The following PARD6G variants were observed in gnomAD, a reference collection of about 807,000 sequenced individuals.
PARD6G encodes the protein partitioning defective 6 homolog gamma.
PARD6G carries 7 observed loss-of-function variants against 10.7 expected under a neutral mutation model. That is an observed-to-expected ratio of 0.66 (90% CI 0.37 to 1.23). The LOEUF is 1.23. PARD6G is among the 50% of genes most tolerant of loss of function. The pLI, the probability that PARD6G is intolerant of heterozygous loss-of-function variation, is 0.02. For synonymous variants in PARD6G, 287 were observed against 269.4 expected (o/e 1.07, Z -0.64); for missense variants, 548 against 571.8 (o/e 0.96, Z 0.42).
rs914982998 is a variant in PARD6G at position 80,183,106 on chromosome 18, G to T, written c.295+19604C>A. ...CAGAGAAGTCCCCCTTTCAAACCAA[G>T]ATTTGAGCTGAAGAGTCAGGTTCCT... is the stretch of plus-strand genomic sequence containing the variant. On this transcript the variant is annotated intron_variant, in intron 2 of 2. Coordinates refer to ENST00000353265, the MANE Select transcript of PARD6G (RefSeq NM_032510.4). The surrounding 1 kb of genome is among the most constrained non-coding windows in gnomAD (Gnocchi z 4.5). 5.7e-6 allele frequency: 4 copies of T among 702,800 alleles called. No individual in the cohort carries two copies. Among genetic ancestry groups the T allele is most frequent in the African/African-American group, 1.7e-5 (1 of 57,238 alleles). The allele number at this position is 702,800 out of a possible 1,614,324, so 43.5% of individuals were successfully genotyped here. A position where few individuals can be genotyped will look rare whatever the true frequency, so the allele number is the denominator to read the frequency against.
intron 2 of PARD6G, among the ~76,000 whole-genome samples, chr18:80,176,971 ACAC>A (rs953849217): frequency 3.3e-5 from 5 of 150,530 alleles, no homozygotes; most frequent in Non-Finnish European, 7.4e-5. Flanking sequence ...AGGCATGTGC[ACAC>A]ACACACAGGA....
At chr18:80,163,447 A>G (rs1022041474) in intron 2 of PARD6G, among the ~76,000 whole-genome samples, 6 of 119,822 alleles carry the variant, frequency 5.0e-5, no homozygotes, top group Non-Finnish European at 8.6e-5. Context: ...CCACTGACTC[A>G]CAGAGTTTGA....
chr18:80,198,063 GAAGA>G (rs1280763309), intron 2 of PARD6G, among the ~76,000 whole-genome samples: 1 of 152,184 alleles, frequency 6.6e-6, no homozygotes, highest in Non-Finnish European at 1.5e-5. Flanking sequence ...AGCAAATAAA[GAAGA>G]AAGGCAGTGA....
intron 2 of PARD6G, among the ~76,000 whole-genome samples, chr18:80,174,761 T>C (rs376218935): frequency 8.5e-5 from 13 of 152,230 alleles, no homozygotes; most frequent in African/African-American, 3.1e-4. Context: ...GAGACCATCC[T>C]GGCTAACACG....
chr18:80,210,030 G>A (rs889821240), intron 1 of PARD6G, among the ~76,000 whole-genome samples: 2 of 152,098 alleles, frequency 1.3e-5, no homozygotes, highest in African/African-American at 4.8e-5. Context: ...AAGGGATAGA[G>A]CTCGAGAAGT....
At chr18:80,202,962 GGGCATT>G in intron 1 of PARD6G, 30 bp from the exon 2 acceptor site, 1 of 240,512 alleles carries the variant, frequency 4.2e-6, no homozygotes, top group Non-Finnish European at 8.2e-6. Context: ...GTGGGGGGAG[GGGCATT>G]AATAAATACC....
In PARD6G at chr18:80,246,889, C is replaced by G. The variant is rs1967557459; in HGVS notation, c.72+388G>C. ...CCACGGCCCGGGCCCCCAGAGCCCC[C>G]CCACGGCCCCGAATCCGAGCAGCCC... On this transcript the variant is annotated intron_variant, in intron 1 of 2. Transcript: ENST00000353265. This position sits in a 1 kb window ranked among gnomAD's most constrained non-coding sequence, Gnocchi z 6.7. Among the ~76,000 whole-genome samples, 1 of 152,032 alleles carries G rather than the reference C, an allele frequency of 6.6e-6. No individual in the cohort carries two copies. Among genetic ancestry groups the G allele is most frequent in the African/African-American group, 2.4e-5 (1 of 41,402 alleles).
chr18:80,239,973 C>T (rs1389521065), intron 1 of PARD6G, among the ~76,000 whole-genome samples: 1 of 152,030 alleles, frequency 6.6e-6, no homozygotes, highest in Non-Finnish European at 1.5e-5. Flanking sequence ...GGAAGGAGAG[C>T]CGGCATGTGC....
Position 80,160,080 on chromosome 18 carries a change from C to T in PARD6G, c.822G>A (p.Ala274=), listed in dbSNP as rs2052686931. The change falls in exon 3 of 3, where the codon GCG becomes GCA. Residue 274 remains alanine (A), a synonymous_variant. Transcript: ENST00000353265. ...GCGGGGCGGGGGGACCCACGAAGCCCGCGGTGCCGTCCGAGGGCGGTCCCG... is the reference window on the plus strand; with the variant it reads ...GCGGGGCGGGGGGACCCACGAAGCCTGCGGTGCCGTCCGAGGGCGGTCCCG... ...GSSGPPSDGT[A]GFVGPPAPRV... The T allele has an allele frequency of 1.9e-6, 3 of 1,585,970 alleles. No individual in the cohort carries two copies. The African/African-American group carries it at 4.0e-5, about 21-fold the overall frequency.
intron 1 of PARD6G, among the ~76,000 whole-genome samples, chr18:80,239,440 G>A (rs890669971): frequency 6.6e-6 from 1 of 151,948 alleles, no homozygotes; most frequent in African/African-American, 2.4e-5. Context: ...GACAGCTGAT[G>A]AGCTAAAAAA....
intron 2 of PARD6G, among the ~76,000 whole-genome samples, chr18:80,165,093 C>T (rs1254738811): frequency 5.3e-5 from 8 of 152,130 alleles, no homozygotes; most frequent in Non-Finnish European, 8.8e-5. Context: ...AGCAGAGAAC[C>T]GGTCTGACCA....
chr18:80,235,403 G>T (rs1568444284), intron 1 of PARD6G, among the ~76,000 whole-genome samples: 1 of 152,128 alleles, frequency 6.6e-6, no homozygotes, highest in African/African-American at 2.4e-5. Flanking sequence ...ACAGGAGAAA[G>T]CAGGAAAGAT....
At chr18:80,199,326 A>T (rs1966987268) in intron 2 of PARD6G, among the ~76,000 whole-genome samples, 1 of 152,210 alleles carries the variant, frequency 6.6e-6, no homozygotes, top group Non-Finnish European at 1.5e-5. Flanking sequence ...TCTGAGGTTC[A>T]TCCATCTGTA....
chr18:80,174,363 C>T (rs933622932), intron 2 of PARD6G, among the ~76,000 whole-genome samples: 3 of 152,130 alleles, frequency 2.0e-5, no homozygotes, highest in Admixed American at 1.3e-4. Context: ...GGCTGGAGGC[C>T]GCTAGGTGAC....
rs1438066085 is a variant in PARD6G, at chr18:80,192,248, G to A, written c.295+10462C>T. Among the ~76,000 whole-genome samples the A allele has an allele frequency of 6.6e-6, 1 of 152,240 alleles. No individual in the cohort carries two copies. The highest frequency in any genetic ancestry group is 6.5e-5 in the Admixed American group (1 of 15,290). On this transcript the variant is annotated intron_variant, in intron 2 of 2. Transcript: ENST00000353265. This position sits in a 1 kb window ranked among gnomAD's most constrained non-coding sequence, Gnocchi z 4.9. ...ACATCAATGAACACTCTCCTTCGGT[G>A]GTCTCTGAGTCGTCCCTGAGGTGGG...
rs1967541773 is a variant in PARD6G at position 80,246,057 on chromosome 18, C to T, written c.72+1220G>A. On this transcript the variant is annotated intron_variant, in intron 1 of 2. Transcript: ENST00000353265. This position sits in a 1 kb window ranked among gnomAD's most constrained non-coding sequence, Gnocchi z 6.7. The stretch of plus-strand genomic sequence containing the variant: ...TCCTACTCCAAAGGTCAGAGCAGCA[C>T]AGCGAGAGGGGGCTGTTGGACTTGC... 6.6e-6 allele frequency among the ~76,000 whole-genome samples: 1 copy of T among 152,130 alleles called. No individual in the cohort carries two copies. Among genetic ancestry groups the T allele is most frequent in the Non-Finnish European group, 1.5e-5 (1 of 68,004 alleles).
In PARD6G at chr18:80,246,595, C is replaced by T. The variant is rs1310735969; in HGVS notation, c.72+682G>A. Among the ~76,000 whole-genome samples, 1 of 38,080 alleles carries T rather than the reference C, an allele frequency of 2.6e-5. No individual in the cohort carries two copies. The highest frequency in any genetic ancestry group is 5.4e-5 in the Non-Finnish European group (1 of 18,446). 25.0% of individuals were successfully genotyped at this position (38,080 alleles called of 152,430 possible). On this transcript the variant is annotated intron_variant, in intron 1 of 2. Coordinates refer to ENST00000353265, the MANE Select transcript of PARD6G (RefSeq NM_032510.4). The surrounding 1 kb of genome is among the most constrained non-coding windows in gnomAD (Gnocchi z 6.7). ...GCTGGGTCTGGGGCGGGGGCGCGTCCGGAGGTGGGGGAGTCTGGGGTGGGG... is the reference window on the plus strand; with the variant it reads ...GCTGGGTCTGGGGCGGGGGCGCGTCTGGAGGTGGGGGAGTCTGGGGTGGGG...
chr18:80,164,435 T>C (rs1431117321), intron 2 of PARD6G, among the ~76,000 whole-genome samples: 1 of 152,240 alleles, frequency 6.6e-6, no homozygotes, highest in African/African-American at 2.4e-5. Flanking sequence ...CTCCAGCTTT[T>C]AACTTTCATG....
chr18:80,205,205 G>T (rs908335255), intron 1 of PARD6G, among the ~76,000 whole-genome samples: 14 of 152,234 alleles, frequency 9.2e-5, no homozygotes, highest in Middle Eastern at 3.4e-3. Flanking sequence ...TTATTCAAGG[G>T]GAAACGTTCA....
Sources: gnomAD v4.1 joint callset for allele counts (sites outside exome capture counted in the v4.1 genomes callset) on GRCh38, gnomAD v4.1.1 for gene constraint, Gnocchi (gnomAD v3.1) non-coding constraint, MANE v1.5 for transcripts, NCBI Gene and HGNC (gene_info 2026-07-23, HGNC 2026-07-21) for gene names.